Variants in ACSL1 observed in about 807,000 individuals in gnomAD.
ACSL1 encodes the protein acyl-CoA synthetase long chain family member 1, also known as long-chain-fatty-acid--CoA ligase 1.
In ACSL1, 41 loss-of-function variants were observed where a neutral mutation model predicts 98.4. That is an observed-to-expected ratio of 0.42 (90% CI 0.32 to 0.54). ACSL1 has a LOEUF of 0.54. Among genes scored for constraint, ACSL1 ranks in the 20% least tolerant of loss-of-function variants. The pLI is 0.13. For synonymous variants in ACSL1, 316 were observed against 322.7 expected, an observed-to-expected ratio of 0.98 and a Z score of 0.22; for missense variants, 734 against 883.1, an observed-to-expected ratio of 0.83 and a Z score of 2.14.
At chr4:184,783,878 A>G (rs755719140) in intron 4 of ACSL1, 49 bp downstream of exon 4, 1 of 1,531,064 alleles carries the variant, frequency 6.5e-7, no homozygotes, top group Non-Finnish European at 9.0e-7. Flanking sequence ...ATACAGAAGC[A>G]CCCCTGCTTG....
At chr4:184,780,537 C>T in intron 4 of ACSL1, 104 bp from the exon 5 acceptor site, 1 of 751,648 alleles carries the variant, frequency 1.3e-6, no homozygotes, top group East Asian at 2.5e-5. Flanking sequence ...CAATGCTGCA[C>T]ACAGAAACGG....
intron 2 of ACSL1, among the ~76,000 whole-genome samples, chr4:184,800,707 C>T (rs1207049903): frequency 2.0e-5 from 3 of 152,176 alleles, no homozygotes; most frequent in Non-Finnish European, 4.4e-5. Flanking sequence ...CGTGGTTCTC[C>T]AGACAGGGCC....
At chr4:184,788,275 G>A (rs761988641) in intron 3 of ACSL1, 4 of 382,360 alleles carry the variant, frequency 1.0e-5, no homozygotes, top group Non-Finnish European at 2.0e-5. Context: ...TGGGTCTCAT[G>A]GTCAAGTAAG....
At chr4:184,805,950 G>T (rs927164092) in intron 1 of ACSL1, among the ~76,000 whole-genome samples, 10 of 152,194 alleles carry the variant, frequency 6.6e-5, no homozygotes, top group African/African-American at 2.4e-5. Flanking sequence ...ATGCCGGGTG[G>T]TATGTCTAAC....
chr4:184,758,998 T>C, intron 18 of ACSL1: 1 of 658 alleles, frequency 1.5e-3, no homozygotes, highest in Non-Finnish European at 0.021. Context: ...CAACATGCAG[T>C]GTTTGTTTTT....
At chr4:184,823,264 C>T (rs1172297189) in intron 1 of ACSL1, among the ~76,000 whole-genome samples, 3 of 152,196 alleles carry the variant, frequency 2.0e-5, no homozygotes, top group Non-Finnish European at 4.4e-5. Flanking sequence ...CTTTGAGCTG[C>T]CTTAGAGGAA....
At chr4:184,826,110 C>CGCCCCGCCCGCAG (rs1242010580), upstream of ACSL1, 1 of 146,930 alleles carries the variant, frequency 6.8e-6, no homozygotes, top group African/African-American at 2.4e-5. Flanking sequence ...CCCGCGGCCC[C>CGCCCCGCCCGCAG]GCCCCGCCCG....
chr4:184,790,332 G>A (rs1418201678), intron 2 of ACSL1, among the ~76,000 whole-genome samples: 1 of 152,198 alleles, frequency 6.6e-6, no homozygotes, highest in Non-Finnish European at 1.5e-5. Context: ...AAGGAAAAAT[G>A]ATGACTATTA....
chr4:184,770,411 C>A lies in ACSL1; in HGVS notation c.981G>T (p.Glu327Asp). The A allele has an allele frequency of 4.3e-6, 7 of 1,613,722 alleles. No homozygotes were observed. The highest frequency in any genetic ancestry group is 5.9e-6 in the Non-Finnish European group (7 of 1,179,904). The stretch of plus-strand genomic sequence containing the variant: ...ATTAAATGCCTACCTCTACAACTCT[C>A]TCAAACATATGGGCGAGAGGCAAGA... ...ISFLPLAHMF[E>D]RVVECVMLCH... Residue 327 changes from glutamate to aspartate, a missense_variant, in exon 11 of 21, where the codon GAG becomes GAT. Coordinates refer to ENST00000281455, the MANE Select transcript of ACSL1 (RefSeq NM_001995.5).
At chr4:184,791,732 G>A (rs188741929) in intron 2 of ACSL1, among the ~76,000 whole-genome samples, 330 of 152,294 alleles carry the variant, frequency 2.2e-3, no homozygotes, top group Non-Finnish European at 3.6e-3. Context: ...CCTGGATAGG[G>A]CAGTGGGAGT....
chr4:184,762,224 A>G (rs539854967), intron 17 of ACSL1, among the ~76,000 whole-genome samples, 183 bp downstream of exon 17: 60 of 152,184 alleles, frequency 3.9e-4, no homozygotes, highest in African/African-American at 1.4e-3. Flanking sequence ...CCAACCAAGG[A>G]TGCTAAGTGT....
chr4:184,788,759 A>G, intron 2 of ACSL1, 28 bp from the exon 3 acceptor site: 1 of 1,585,336 alleles, frequency 6.3e-7, no homozygotes, highest in South Asian at 1.1e-5. Flanking sequence ...GGGGCAGGTT[A>G]GAAGGCAGTG....
chr4:184,761,956 G>GT (rs1311293159), intron 17 of ACSL1, among the ~76,000 whole-genome samples: 1 of 151,924 alleles, frequency 6.6e-6, no homozygotes, highest in Non-Finnish European at 1.5e-5. Flanking sequence ...GTGAAACCCC[G>GT]TCTCTACTAA....
Position 184,803,349 on chromosome 4 carries a change from C to T in ACSL1, c.166G>A (p.Asp56Asn), listed in dbSNP as rs114493597. The T allele has an allele frequency of 3.5e-3, 5,565 of 1,607,536 alleles. 15 individuals carry two copies. Among genetic ancestry groups the T allele is most frequent in the Non-Finnish European group, 4.3e-3 (5,017 of 1,176,776 alleles). Residue 56 changes from aspartate (D) to asparagine (N), a missense_variant, in exon 2 of 21, where the codon GAC becomes AAC. Asp to Asn is a conservative substitution (Grantham distance 23, BLOSUM62 1). Coordinates refer to ENST00000281455, the MANE Select transcript of ACSL1 (RefSeq NM_001995.5). This position sits in a 1 kb window ranked among gnomAD's most constrained non-coding sequence, Gnocchi z 4.8. ...TRPKPLKPPC[D>N]LSMQSVEVAG... ...ACTTCCACTGACTGCATGGAGAGGTCGCATGGCGGCTTCAGGGGTTTGGGT... is the reference window on the plus strand; with the variant it reads ...ACTTCCACTGACTGCATGGAGAGGTTGCATGGCGGCTTCAGGGGTTTGGGT...
intron 2 of ACSL1, among the ~76,000 whole-genome samples, chr4:184,794,058 A>G (rs1768900265): frequency 6.6e-6 from 1 of 152,248 alleles, no homozygotes; most frequent in Non-Finnish European, 1.5e-5. Context: ...AATGTCTGGC[A>G]ATGTTCAATA....
rs1443971103 is a variant in ACSL1, at chr4:184,757,307, G to A, written c.1957-42C>T. 1.9e-6 allele frequency: 3 copies of A among 1,565,834 alleles called. No individual in the cohort carries two copies. The Admixed American group carries it at 5.3e-5, about 28-fold the overall frequency. ...CAGTTAAAAGAGGAAAAAGGACACGGGCCACCAGTCTCAAAAGCACGTAAG... is the reference window on the plus strand; with the variant it reads ...CAGTTAAAAGAGGAAAAAGGACACGAGCCACCAGTCTCAAAAGCACGTAAG... On this transcript the variant is annotated intron_variant, in intron 20 of 20. Coordinates refer to ENST00000281455, the MANE Select transcript of ACSL1 (RefSeq NM_001995.5). This position sits in a 1 kb window ranked among gnomAD's most constrained non-coding sequence, Gnocchi z 4.5.
rs911726314 is a variant in ACSL1, at chr4:184,825,225, G to A, written c.-33+691C>T. The A allele has an allele frequency of 2.0e-6, 2 of 985,206 alleles. No homozygotes were observed. Among genetic ancestry groups the A allele is most frequent in the African/African-American group, 3.5e-5 (2 of 57,208 alleles). The allele number at this position is 985,206 out of a possible 1,614,324, so 61.0% of individuals were successfully genotyped here. A position where few individuals can be genotyped will look rare whatever the true frequency, so the allele number is the denominator to read the frequency against. ...CACGTGTCCATTCAAGTCATCTACC[G>A]CCACTCTCCGTCTACGCTGCCAGGT... On this transcript the variant is annotated intron_variant, in intron 1 of 20. Transcript: ENST00000281455. This position sits in a 1 kb window ranked among gnomAD's most constrained non-coding sequence, Gnocchi z 4.7.
At chr4:184,815,612 C>G (rs1772559591) in intron 1 of ACSL1, among the ~76,000 whole-genome samples, 1 of 152,032 alleles carries the variant, frequency 6.6e-6, no homozygotes, top group Admixed American at 6.6e-5. Context: ...TTAAAAAGGG[C>G]AAAGGTTGGG....
At chr4:184,791,950 G>A (rs1768448208) in intron 2 of ACSL1, among the ~76,000 whole-genome samples, 1 of 152,128 alleles carries the variant, frequency 6.6e-6, no homozygotes, top group African/African-American at 2.4e-5. Flanking sequence ...CTTCAAGACA[G>A]GTCAACCACC....
Sources: gnomAD v4.1 joint callset for allele counts (sites outside exome capture counted in the v4.1 genomes callset) on GRCh38, gnomAD v4.1.1 for gene constraint, Gnocchi (gnomAD v3.1) non-coding constraint, MANE v1.5 for transcripts, NCBI Gene and HGNC (gene_info 2026-07-23, HGNC 2026-07-21) for gene names.